The following CPNE8 variants were observed in gnomAD, a reference collection of about 807,000 sequenced individuals.
CPNE8 encodes the protein copine-8.
In CPNE8, 45 loss-of-function variants were observed where a neutral mutation model predicts 81.5. That is an observed-to-expected ratio of 0.55 (90% CI 0.44 to 0.71). CPNE8 has a LOEUF of 0.71. Ranked by LOEUF, CPNE8 falls within the 30% of genes least tolerant of loss-of-function variation. The pLI is 0.00. For synonymous variants in CPNE8, 252 were observed against 226.3 expected, an observed-to-expected ratio of 1.11 and a Z score of -1.02; for missense variants, 594 against 672.1, an observed-to-expected ratio of 0.88 and a Z score of 1.28.
chr12:38,834,591 C>A (rs747475747), intron 5 of CPNE8, among the ~76,000 whole-genome samples: 1 of 152,218 alleles, frequency 6.6e-6, no homozygotes, highest in East Asian at 1.9e-4. Flanking sequence ...CCCAGTCAAA[C>A]TACAACAGCC....
At chr12:38,751,372 T>A (rs1565597582) in intron 10 of CPNE8, among the ~76,000 whole-genome samples, 1 of 152,202 alleles carries the variant, frequency 6.6e-6, no homozygotes, top group East Asian at 1.9e-4. Context: ...TTATTAGGTA[T>A]GGGCATCTTC....
chr12:38,754,852 T>C (rs826868), intron 10 of CPNE8, among the ~76,000 whole-genome samples: 11,566 of 152,190 alleles, frequency 0.076, 752 homozygotes, highest in East Asian at 0.24. Flanking sequence ...AAAAAGAGAC[T>C]GAAACTTGCC....
At chr12:38,791,644 T>C (rs538690253) in intron 6 of CPNE8, among the ~76,000 whole-genome samples, 3 of 151,646 alleles carry the variant, frequency 2.0e-5, no homozygotes, top group South Asian at 4.1e-4. Context: ...GAAAATAATA[T>C]GAGACTTCAA....
chr12:38,654,115 C>T, intron 19 of CPNE8, 45 bp from the exon 20 acceptor site: 2 of 1,534,154 alleles, frequency 1.3e-6, no homozygotes, highest in Non-Finnish European at 1.8e-6. Context: ...CTTTAGCAGG[C>T]TATGTAATAA....
chr12:38,892,855 C>T (rs1180640030), intron 1 of CPNE8, among the ~76,000 whole-genome samples: 2 of 152,104 alleles, frequency 1.3e-5, no homozygotes, highest in Non-Finnish European at 2.9e-5. Context: ...TGTTCATTTC[C>T]ATGAATACAG....
intron 6 of CPNE8, among the ~76,000 whole-genome samples, chr12:38,796,802 G>T (rs1437414926): frequency 1.3e-5 from 2 of 152,150 alleles, no homozygotes; most frequent in Non-Finnish European, 2.9e-5. Context: ...TCAAAGAAAG[G>T]GGTGACAGGC....
intron 10 of CPNE8, among the ~76,000 whole-genome samples, chr12:38,746,213 T>C (rs1385889124): frequency 6.6e-6 from 1 of 152,090 alleles, no homozygotes; most frequent in Non-Finnish European, 1.5e-5. Flanking sequence ...CTTTTGAACA[T>C]AGATCAAAAA....
At position 38,702,925 on chromosome 12, in the gene CPNE8, G is replaced by A; in HGVS notation, c.915-4C>T. Reference sequence around the variant, plus strand: ...CACTGTGAAATTGATTTGCGTCCTGGAATAGAAGTAAACAAGACTCATTAA... The same window carrying A: ...CACTGTGAAATTGATTTGCGTCCTGAAATAGAAGTAAACAAGACTCATTAA... On this transcript the variant is annotated splice_polypyrimidine_tract_variant and splice_region_variant and intron_variant, in intron 13 of 19. Coordinates refer to ENST00000331366, the MANE Select transcript of CPNE8 (RefSeq NM_153634.3). 6.4e-7 allele frequency: 1 copy of A among 1,573,302 alleles called. No individual in the cohort carries two copies. Among genetic ancestry groups the A allele is most frequent in the Non-Finnish European group, 8.7e-7 (1 of 1,154,766 alleles).
intron 6 of CPNE8, among the ~76,000 whole-genome samples, chr12:38,808,025 G>T (rs1406732840): frequency 2.6e-5 from 4 of 152,108 alleles, no homozygotes; most frequent in Non-Finnish European, 4.4e-5. Context: ...CTGGCCATCA[G>T]AGAAATGCAA....
chr12:38,851,548 C>G (rs1308998256), intron 3 of CPNE8, among the ~76,000 whole-genome samples: 1 of 152,178 alleles, frequency 6.6e-6, no homozygotes, highest in Admixed American at 6.5e-5. Context: ...CCAAAACATG[C>G]CTCACAGCTG....
chr12:38,659,104 C>T (rs1360851340), intron 19 of CPNE8, among the ~76,000 whole-genome samples: 1 of 151,754 alleles, frequency 6.6e-6, no homozygotes, highest in Non-Finnish European at 1.5e-5. Context: ...CACAGACTGG[C>T]AAACTGGATA....
chr12:38,860,057 T>C (rs915682146), intron 3 of CPNE8, among the ~76,000 whole-genome samples: 2 of 151,772 alleles, frequency 1.3e-5, no homozygotes. Context: ...CAAAATTAGG[T>C]GGGATTAACT....
intron 7 of CPNE8, among the ~76,000 whole-genome samples, chr12:38,774,207 T>G (rs972119752): frequency 6.6e-6 from 1 of 152,142 alleles, no homozygotes; most frequent in Non-Finnish European, 1.5e-5. Flanking sequence ...TCTTGGTATC[T>G]TGGCTCTACT....
At chr12:38,776,947 C>T (rs1311035890) in intron 6 of CPNE8, among the ~76,000 whole-genome samples, 2 of 151,384 alleles carry the variant, frequency 1.3e-5, no homozygotes, top group Non-Finnish European at 2.9e-5. Flanking sequence ...TGATAGTAAA[C>T]ATCAAATATG....
chr12:38,686,602 A>G (rs952205824), intron 15 of CPNE8, among the ~76,000 whole-genome samples: 2 of 152,234 alleles, frequency 1.3e-5, no homozygotes, highest in African/African-American at 4.8e-5. Flanking sequence ...ACATTTTTGA[A>G]GTCTCAGGAA....
intron 3 of CPNE8, among the ~76,000 whole-genome samples, chr12:38,863,563 CAAAT>C (rs977978636): frequency 1.2e-4 from 19 of 152,040 alleles, no homozygotes; most frequent in Admixed American, 1.2e-3. Flanking sequence ...AAAATTCTAA[CAAAT>C]AGTAGCAAAG....
At chr12:38,773,221 T>C (rs1165217066) in intron 7 of CPNE8, among the ~76,000 whole-genome samples, 1 of 152,088 alleles carries the variant, frequency 6.6e-6, no homozygotes, top group Non-Finnish European at 1.5e-5. Flanking sequence ...GATGAATAAG[T>C]CATAGAGATC....
intron 1 of CPNE8, among the ~76,000 whole-genome samples, chr12:38,883,836 G>C (rs1336063337): frequency 6.6e-6 from 1 of 152,194 alleles, no homozygotes; most frequent in African/African-American, 2.4e-5. Context: ...CCTTCAGGCA[G>C]ATGTGACAAT....
intron 14 of CPNE8, among the ~76,000 whole-genome samples, chr12:38,697,208 G>A (rs547866791): frequency 2.6e-4 from 40 of 152,150 alleles, no homozygotes; most frequent in African/African-American, 8.7e-4. Flanking sequence ...ATCACTAATC[G>A]TCTTTTTGTC....
Sources: gnomAD v4.1 joint callset for allele counts (sites outside exome capture counted in the v4.1 genomes callset) on GRCh38, gnomAD v4.1.1 for gene constraint, MANE v1.5 for transcripts, NCBI Gene and HGNC (gene_info 2026-07-23, HGNC 2026-07-21) for gene names.